The following ENPP2 variants were observed in gnomAD, a reference collection of about 807,000 sequenced individuals.
ENPP2 encodes the protein ectonucleotide pyrophosphatase/phosphodiesterase 2.
In ENPP2, 51 loss-of-function variants were observed where a neutral mutation model predicts 120.2. That is an observed-to-expected ratio of 0.42 (90% CI 0.34 to 0.54). The LOEUF is 0.54. Ranked by LOEUF, ENPP2 falls within the 20% of genes least tolerant of loss-of-function variation. The pLI is 0.04. For missense variants in ENPP2, 920 were observed against 1,066.5 expected (o/e 0.86, Z 1.91); for synonymous variants, 365 against 366.4 (o/e 1.00, Z 0.04).
chr8:119,672,708 T>A (rs1224096032), intron 1 of ENPP2, among the ~76,000 whole-genome samples: 1 of 152,198 alleles, frequency 6.6e-6, no homozygotes, highest in Non-Finnish European at 1.5e-5. Context: ...TCAACATCTT[T>A]GTGGAGCCTG....
In ENPP2 at chr8:119,610,615, A is replaced by C. The variant is rs1815031142; in HGVS notation, c.778-2638T>G. ...TCTTCAGAGGGTAGTTTAAAAAAAAAAATCAGGCCAGGTGTGGTGGCTCAC... is the reference window on the plus strand; with the variant it reads ...TCTTCAGAGGGTAGTTTAAAAAAAACAATCAGGCCAGGTGTGGTGGCTCAC... On this transcript the variant is annotated intron_variant, in intron 8 of 24. Coordinates refer to ENST00000075322, the MANE Select transcript of ENPP2 (RefSeq NM_001040092.3). Among the ~76,000 whole-genome samples, 6 of 152,216 alleles carry C rather than the reference A, an allele frequency of 3.9e-5. No individual in the cohort carries two copies. In the South Asian group the frequency reaches 1.2e-3, roughly 32 times the overall value.
intron 2 of ENPP2, among the ~76,000 whole-genome samples, chr8:119,631,407 C>G (rs574068249): frequency 6.7e-6 from 1 of 149,580 alleles, no homozygotes; most frequent in East Asian, 2.0e-4. Flanking sequence ...TAGTACAGAC[C>G]GGGTTTCACC....
rs186712099 is a variant in ENPP2 at position 119,628,914 on chromosome 8, G to A, written c.137-2194C>T. 2.6e-5 allele frequency among the ~76,000 whole-genome samples: 4 copies of A among 152,176 alleles called. No individual in the cohort carries two copies. The East Asian group carries it at 7.7e-4, about 29-fold the overall frequency. ...ATTTAGGGAAAATGAGAAAGAAAGA[G>A]GAAGAAGATTTTTACCTTCCTGATG... On this transcript the variant is annotated intron_variant, in intron 2 of 24. Coordinates refer to ENST00000075322, the MANE Select transcript of ENPP2 (RefSeq NM_001040092.3).
At chr8:119,601,325 G>T in intron 10 of ENPP2, 72 bp downstream of exon 10, 1 of 1,052,560 alleles carries the variant, frequency 9.5e-7, no homozygotes, top group Non-Finnish European at 1.5e-6. Context: ...CTATTCCACA[G>T]TCTAGTGTTT....
intron 1 of ENPP2, among the ~76,000 whole-genome samples, chr8:119,657,998 G>T (rs1391364821): frequency 6.6e-6 from 1 of 152,142 alleles, no homozygotes; most frequent in Non-Finnish European, 1.5e-5. Flanking sequence ...ATGATTTTTT[G>T]TCTTGTTGCT....
At chr8:119,589,368 T>G (rs949086610) in intron 13 of ENPP2, among the ~76,000 whole-genome samples, 1 of 152,184 alleles carries the variant, frequency 6.6e-6, no homozygotes, top group Non-Finnish European at 1.5e-5. Flanking sequence ...TTTTGTAAAG[T>G]ACAAAAATTT....
intron 12 of ENPP2, among the ~76,000 whole-genome samples, chr8:119,591,010 A>AAAAAC (rs1554612843): frequency 2.6e-5 from 4 of 151,386 alleles, no homozygotes; most frequent in African/African-American, 9.7e-5. Context: ...AAAAAAAAAA[A>AAAAAC]AAAAAACCCT....
chr8:119,614,346 T>G (rs1279823223), intron 8 of ENPP2, among the ~76,000 whole-genome samples: 1 of 152,132 alleles, frequency 6.6e-6, no homozygotes, highest in Non-Finnish European at 1.5e-5. Flanking sequence ...CCATCGCACA[T>G]GAGCCACCAC....
intron 17 of ENPP2, 111 bp from the exon 18 acceptor site, chr8:119,582,713 C>T: frequency 1.3e-6 from 1 of 794,084 alleles, no homozygotes. Context: ...GAACACAAAT[C>T]AGAACTGGAC....
chr8:119,609,378 T>A (rs1036783836), intron 8 of ENPP2, among the ~76,000 whole-genome samples: 6 of 152,036 alleles, frequency 3.9e-5, no homozygotes, highest in African/African-American at 1.4e-4. Context: ...CTGGGAGAGG[T>A]AGGGGCCTCA....
intron 2 of ENPP2, among the ~76,000 whole-genome samples, chr8:119,635,512 G>T (rs546268667): frequency 6.6e-6 from 1 of 152,326 alleles, no homozygotes; most frequent in South Asian, 2.1e-4. Context: ...GCACATGAGT[G>T]CACAGACACC....
intron 14 of ENPP2, 113 bp downstream of exon 14, chr8:119,586,931 G>A: frequency 1.2e-6 from 1 of 822,738 alleles, no homozygotes; most frequent in Non-Finnish European, 2.0e-6. Flanking sequence ...GCAGGGCAGT[G>A]AGGAAAGTGT....
Position 119,638,810 on chromosome 8 carries a change from C to T in ENPP2, c.-30G>A, listed in dbSNP as rs780785447. On this transcript the variant is annotated 5_prime_UTR_variant, in exon 1 of 25. Transcript: ENST00000075322. The stretch of plus-strand genomic sequence containing the variant: ...AGGATTCTTGGAAAGCCTTTTGCAG[C>T]GTGTTCTCTTTGCCTTCACGGAGTG... 1.2e-6 allele frequency: 2 copies of T among 1,613,946 alleles called. No individual in the cohort carries two copies. Among genetic ancestry groups the T allele is most frequent in the Admixed American group, 3.3e-5 (2 of 60,028 alleles).
intron 8 of ENPP2, among the ~76,000 whole-genome samples, chr8:119,615,731 T>C (rs1815411151): frequency 3.9e-5 from 6 of 152,212 alleles, no homozygotes; most frequent in Admixed American, 3.9e-4. Flanking sequence ...GTTTCTGTTA[T>C]TATAGCATCA....
intron 23 of ENPP2, among the ~76,000 whole-genome samples, chr8:119,563,415 G>A (rs1198034353): frequency 6.6e-6 from 1 of 152,130 alleles, no homozygotes; most frequent in Non-Finnish European, 1.5e-5. Flanking sequence ...AAAGGTTTTT[G>A]TGCTAGGGAG....
At chr8:119,633,498 G>C (rs989168623) in intron 2 of ENPP2, among the ~76,000 whole-genome samples, 3 of 151,236 alleles carry the variant, frequency 2.0e-5, no homozygotes, top group African/African-American at 7.4e-5. Context: ...CCTTATGTCT[G>C]CTGCCCTGTT....
chr8:119,605,428 A>G (rs912730822), intron 9 of ENPP2, among the ~76,000 whole-genome samples: 80 of 135,460 alleles, frequency 5.9e-4, no homozygotes, highest in Non-Finnish European at 8.5e-4. Flanking sequence ...AAGATACCAT[A>G]TATGTGTGTG....
chr8:119,647,157 C>T (rs1212209844), intron 1 of ENPP2, among the ~76,000 whole-genome samples: 1 of 152,074 alleles, frequency 6.6e-6, no homozygotes, highest in African/African-American at 2.4e-5. Flanking sequence ...CCACAACACC[C>T]AGCTGATTTT....
intron 1 of ENPP2, among the ~76,000 whole-genome samples, chr8:119,666,231 T>C (rs1044416483): frequency 2.0e-5 from 3 of 152,194 alleles, no homozygotes; most frequent in Admixed American, 6.5e-5. Context: ...TTTCCTTTTT[T>C]GATTTTTTTT....
Sources: allele counts gnomAD v4.1 joint callset (sites outside exome capture counted in the v4.1 genomes callset), GRCh38; gene constraint gnomAD v4.1.1; transcripts MANE v1.5; gene names NCBI Gene and HGNC (gene_info 2026-07-23, HGNC 2026-07-21).